The following LRRTM4 variants were observed in gnomAD, a reference collection of about 807,000 sequenced individuals.
LRRTM4 encodes the protein leucine-rich repeat transmembrane neuronal protein 4.
A neutral mutation model predicts 47.6 loss-of-function variants in LRRTM4; 25 were observed. The observed-to-expected ratio is 0.53, with a 90% CI of 0.38 to 0.73. The LOEUF (loss-of-function observed/expected upper bound fraction) is 0.73. LRRTM4 is among the 30% of genes least tolerant of loss of function. The pLI is 0.00. For missense variants in LRRTM4, 638 were observed against 713.4 expected, an observed-to-expected ratio of 0.89 and a Z score of 1.20; for synonymous variants, 311 against 269.5, an observed-to-expected ratio of 1.15 and a Z score of -1.51.
intron 3 of LRRTM4, among the ~76,000 whole-genome samples, chr2:77,039,910 ATAT>A (rs1234067907): frequency 6.6e-6 from 1 of 151,138 alleles, no homozygotes; most frequent in Non-Finnish European, 1.5e-5. Context: ...TCATTAGTTA[ATAT>A]TAATAAAATA....
chr2:77,233,709 T>C (rs1675028712), intron 3 of LRRTM4, among the ~76,000 whole-genome samples: 1 of 152,230 alleles, frequency 6.6e-6, no homozygotes, highest in Non-Finnish European at 1.5e-5. Context: ...AATCAGAACC[T>C]CAGAGGATAG....
intron 3 of LRRTM4, among the ~76,000 whole-genome samples, chr2:76,820,647 A>G (rs1484915417): frequency 6.6e-6 from 1 of 151,740 alleles, no homozygotes; most frequent in Non-Finnish European, 1.5e-5. Flanking sequence ...GGTTTTGCCT[A>G]TAGAGAATTA....
intron 3 of LRRTM4, among the ~76,000 whole-genome samples, chr2:76,791,277 C>T (rs1674956065): frequency 6.6e-6 from 1 of 152,154 alleles, no homozygotes; most frequent in African/African-American, 2.4e-5. Context: ...CCTTACCATC[C>T]TCTACTGAGA....
At chr2:77,266,433 A>T (rs1676052142) in intron 3 of LRRTM4, among the ~76,000 whole-genome samples, 2 of 152,178 alleles carry the variant, frequency 1.3e-5, no homozygotes, top group Admixed American at 1.3e-4. Context: ...TGAAAGTAAG[A>T]GAATAAAAAA....
At chr2:76,767,339 G>A (rs577087350) in intron 3 of LRRTM4, among the ~76,000 whole-genome samples, 3 of 152,214 alleles carry the variant, frequency 2.0e-5, no homozygotes, top group Non-Finnish European at 2.9e-5. Flanking sequence ...ATGTCTCTGT[G>A]TCACCCATCT....
rs115604518 is a variant in LRRTM4, at chr2:77,368,163, C to T, written c.1551+150155G>A. Among the ~76,000 whole-genome samples the T allele has an allele frequency of 1.9e-3, 291 of 151,712 alleles. 1 individual carries two copies. The highest frequency in any genetic ancestry group is 7.5e-3 in the Admixed American group (114 of 15,170). On this transcript the variant is annotated intron_variant, in intron 3 of 3. Coordinates refer to ENST00000409884, the MANE Select transcript of LRRTM4 (RefSeq NM_001134745.3). ...TGTGTTCCTGCAGGATTATTTTCCTCTCTCATCCAGGAACAGGTGTGGGCA... is the reference window on the plus strand; with the variant it reads ...TGTGTTCCTGCAGGATTATTTTCCTTTCTCATCCAGGAACAGGTGTGGGCA...
At chr2:77,033,779 T>C (rs1049409567) in intron 3 of LRRTM4, among the ~76,000 whole-genome samples, 3 of 151,868 alleles carry the variant, frequency 2.0e-5, no homozygotes, top group Non-Finnish European at 4.4e-5. Context: ...GGCTTGTTTG[T>C]CTCTTAAAAT....
chr2:76,904,138 T>C (rs891750268), intron 3 of LRRTM4, among the ~76,000 whole-genome samples: 1 of 152,308 alleles, frequency 6.6e-6, no homozygotes, highest in South Asian at 2.1e-4. Context: ...TCATGAAGCA[T>C]AGTATAATTG....
intron 3 of LRRTM4, among the ~76,000 whole-genome samples, chr2:77,055,106 C>A (rs1679558957): frequency 6.6e-6 from 1 of 152,182 alleles, no homozygotes; most frequent in African/African-American, 2.4e-5. Context: ...GACTCCGCTA[C>A]TTAGAGTTAC....
At chr2:77,400,324 T>C (rs1397765617) in intron 3 of LRRTM4, among the ~76,000 whole-genome samples, 2 of 151,882 alleles carry the variant, frequency 1.3e-5, no homozygotes, top group African/African-American at 4.8e-5. Context: ...TACAGCTGAG[T>C]AATTGGCCCT....
chr2:77,029,251 G>A (rs1396492495), intron 3 of LRRTM4, among the ~76,000 whole-genome samples: 1 of 151,756 alleles, frequency 6.6e-6, no homozygotes, highest in Non-Finnish European at 1.5e-5. Flanking sequence ...AGTTTATTAG[G>A]AGTATTGACT....
intron 3 of LRRTM4, among the ~76,000 whole-genome samples, chr2:76,821,823 C>G (rs1353859996): frequency 6.6e-6 from 1 of 151,568 alleles, no homozygotes; most frequent in African/African-American, 2.4e-5. Flanking sequence ...GAAAATACAG[C>G]AGTCTTGCCA....
chr2:77,503,408 C>A (rs530907811), intron 3 of LRRTM4, among the ~76,000 whole-genome samples: 2 of 151,472 alleles, frequency 1.3e-5, no homozygotes, highest in African/African-American at 4.8e-5. Flanking sequence ...ACAAGAAATA[C>A]CAGGAATAAA....
intron 3 of LRRTM4, among the ~76,000 whole-genome samples, chr2:77,055,837 A>G (rs929274631): frequency 1.3e-5 from 2 of 151,928 alleles, no homozygotes; most frequent in African/African-American, 4.8e-5. Context: ...TGGCACATAT[A>G]CACCATGGAA....
intron 3 of LRRTM4, among the ~76,000 whole-genome samples, chr2:77,167,143 G>T (rs190494189): frequency 1.2e-4 from 19 of 152,140 alleles, no homozygotes; most frequent in African/African-American, 3.1e-4. Context: ...GTGGGCAAAG[G>T]ATATGAAGAG....
At chr2:76,926,797 A>G (rs1674602597) in intron 3 of LRRTM4, among the ~76,000 whole-genome samples, 1 of 152,124 alleles carries the variant, frequency 6.6e-6, no homozygotes, top group Non-Finnish European at 1.5e-5. Context: ...TTTATTCATT[A>G]TAAATTATCC....
chr2:76,780,371 C>T (rs1674302497), intron 3 of LRRTM4, among the ~76,000 whole-genome samples: 1 of 152,250 alleles, frequency 6.6e-6, no homozygotes, highest in Non-Finnish European at 1.5e-5. Flanking sequence ...AACTTGGTTC[C>T]ATTCTCCCCA....
At chr2:76,939,138 T>C (rs1192638716) in intron 3 of LRRTM4, among the ~76,000 whole-genome samples, 3 of 144,400 alleles carry the variant, frequency 2.1e-5, no homozygotes, top group Non-Finnish European at 3.0e-5. Flanking sequence ...TTTCTTTTAC[T>C]GGTAACCTGT....
chr2:77,089,082 G>C (rs890638262), intron 3 of LRRTM4, among the ~76,000 whole-genome samples: 4 of 152,034 alleles, frequency 2.6e-5, no homozygotes, highest in African/African-American at 9.7e-5. Flanking sequence ...CGTTTCAAGG[G>C]TGTCAGACCA....
Sources: allele counts gnomAD v4.1 joint callset (sites outside exome capture counted in the v4.1 genomes callset), GRCh38; gene constraint gnomAD v4.1.1; transcripts MANE v1.5; gene names NCBI Gene and HGNC (gene_info 2026-07-23, HGNC 2026-07-21).